Variants in STK32A observed in about 807,000 individuals in gnomAD.
The protein encoded by STK32A is serine/threonine kinase 32A, also known as serine/threonine-protein kinase 32A.
STK32A carries 41 observed loss-of-function variants against 53.2 expected under a neutral mutation model. The ratio of observed to expected loss-of-function variants is 0.77; its 90% CI spans 0.60 to 1.00. The LOEUF (loss-of-function observed/expected upper bound fraction) is 1.00, where lower values mean the gene tolerates loss of function less well. Ranked by LOEUF, STK32A falls within the 50% of genes least tolerant of loss-of-function variation. The probability of loss-of-function intolerance (pLI) is 0.00; values close to 1 mark genes in which losing one functional copy is unlikely to be tolerated. For missense variants in STK32A, 458 were observed against 485.8 expected, an observed-to-expected ratio of 0.94 and a Z score of 0.54; for synonymous variants, 166 against 162.8, an observed-to-expected ratio of 1.02 and a Z score of -0.15.
chr5:147,255,396 G>C (rs994960442), intron 2 of STK32A, among the ~76,000 whole-genome samples: 1 of 152,110 alleles, frequency 6.6e-6, no homozygotes, highest in Non-Finnish European at 1.5e-5. Flanking sequence ...ATCTACTTAC[G>C]GATGCACAGT....
chr5:147,335,657 C>G (rs556579719), intron 5 of STK32A, among the ~76,000 whole-genome samples: 10 of 152,352 alleles, frequency 6.6e-5, no homozygotes, highest in African/African-American at 2.4e-4. Context: ...AATTGGGTCA[C>G]CAGCCCATCC....
intron 2 of STK32A, among the ~76,000 whole-genome samples, chr5:147,255,630 A>G (rs1265040690): frequency 6.6e-6 from 1 of 152,192 alleles, no homozygotes; most frequent in Non-Finnish European, 1.5e-5. Context: ...ATGAAGGTGC[A>G]ACATTGAGTT....
At chr5:147,314,223 C>T (rs1203721015) in intron 4 of STK32A, among the ~76,000 whole-genome samples, 4 of 152,004 alleles carry the variant, frequency 2.6e-5, no homozygotes, top group Non-Finnish European at 4.4e-5. Context: ...AGGGGCCAGG[C>T]GCTGTGGCTC....
At chr5:147,317,411 T>C (rs1754058691) in intron 4 of STK32A, among the ~76,000 whole-genome samples, 1 of 123,588 alleles carries the variant, frequency 8.1e-6, no homozygotes, top group Non-Finnish European at 1.6e-5. Flanking sequence ...CACTGCAACC[T>C]CCGCCGCCCA....
Position 147,323,942 on chromosome 5 carries a change from T to G in STK32A, c.305T>G (p.Leu102Arg). 1 of 1,613,784 alleles carries G rather than the reference T, an allele frequency of 6.2e-7. No individual in the cohort carries two copies. The highest frequency in any genetic ancestry group is 8.5e-7 in the Non-Finnish European group (1 of 1,179,890). Residue 102 changes from leucine (L) to arginine (R), a missense_variant, in exon 5 of 13, where the codon CTC becomes CGC. Transcript: ENST00000397936. ...DEEDMFMVVD[L>R]LLGGDLRYHL... ...GAAGACATGTTCATGGTGGTGGACC[T>G]CCTGCTGGGTGGAGACCTGCGTTAT...
chr5:147,253,082 A>C (rs1754068541), intron 2 of STK32A, among the ~76,000 whole-genome samples: 1 of 152,206 alleles, frequency 6.6e-6, no homozygotes, highest in Non-Finnish European at 1.5e-5. Flanking sequence ...GCAGTTGTAC[A>C]ATTCTAAAAC....
Position 147,314,498 on chromosome 5 carries a change from C to CAAAAAAAAAAA in STK32A, c.261-9392_261-9391insAAAAAAAAAAA, listed in dbSNP as rs1171767950. On this transcript the variant is annotated intron_variant, in intron 4 of 12. Coordinates refer to ENST00000397936, the MANE Select transcript of STK32A (RefSeq NM_001112724.2). ...GGGCAACAAGAGCGAAACTCCATATCAAAAAAAACAAAAAAAAACAAAAAA... is the reference window on the plus strand; with the variant it reads ...GGGCAACAAGAGCGAAACTCCATATCAAAAAAAAAAAAAAAAAAACAAAAAAAAACAAAAAA... Among the ~76,000 whole-genome samples the CAAAAAAAAAAA allele has an allele frequency of 2.8e-4, 3 of 10,622 alleles. 1 individual carries two copies. Among genetic ancestry groups the CAAAAAAAAAAA allele is most frequent in the African/African-American group, 2.0e-3 (3 of 1,512 alleles). The allele number at this position is 10,622 out of a possible 152,430, so 7.0% of individuals were successfully genotyped here. A position where few individuals can be genotyped will look rare whatever the true frequency, so the allele number is the denominator to read the frequency against.
chr5:147,393,966 A>G, the STK32A span: 1 of 1,479,502 alleles, frequency 6.8e-7, no homozygotes, highest in Admixed American at 1.7e-5. Context: ...CTTCTTAAAT[A>G]TCGGTGTACC....
At chr5:147,332,053 A>G (rs1388030786) in intron 5 of STK32A, among the ~76,000 whole-genome samples, 3 of 152,152 alleles carry the variant, frequency 2.0e-5, no homozygotes, top group Admixed American at 6.5e-5. Flanking sequence ...TGTAGTAAAT[A>G]TGTTTCTATT....
At chr5:147,316,593 G>C (rs927355258) in intron 4 of STK32A, among the ~76,000 whole-genome samples, 1 of 151,970 alleles carries the variant, frequency 6.6e-6, no homozygotes, top group Admixed American at 6.6e-5. Context: ...TGCTTTTGGA[G>C]GGTTCTAGGA....
At position 147,308,162 on chromosome 5, in the gene STK32A, ATG is replaced by A. The variant is rs77979607; in HGVS notation, c.261-15730_261-15729del. Among the ~76,000 whole-genome samples the A allele has an allele frequency of 5.0e-4, 65 of 129,508 alleles. No homozygotes were observed. In the East Asian group the frequency reaches 6.2e-3, roughly 12 times the overall value. The allele number at this position is 129,508 out of a possible 152,430, so 85.0% of individuals were successfully genotyped here. On this transcript the variant is annotated intron_variant, in intron 4 of 12. Coordinates refer to ENST00000397936, the MANE Select transcript of STK32A (RefSeq NM_001112724.2). ...TTTATATATATATATATATATATAT[ATG>A]TGTGTACATGCATATACATATATAT...
At chr5:147,333,576 A>C (rs1194584066) in intron 5 of STK32A, among the ~76,000 whole-genome samples, 2 of 152,226 alleles carry the variant, frequency 1.3e-5, no homozygotes, top group Admixed American at 1.3e-4. Flanking sequence ...TATCAGTAAA[A>C]TGAAGATAGC....
rs1249558498 is a variant in STK32A, at chr5:147,258,165, A to ATTTTTTTTTTTTTTTTTTT, written c.52+18484_52+18485insTTTTTTTTTTTTTTTTTTT. The stretch of plus-strand genomic sequence containing the variant: ...TATAGACTCTTTTTAACCTTTTATA[A>ATTTTTTTTTTTTTTTTTTT]TTTTTGTTAAAGAGCAGGTTAGTGC... On this transcript the variant is annotated intron_variant, in intron 2 of 12. Transcript: ENST00000397936. Among the ~76,000 whole-genome samples the ATTTTTTTTTTTTTTTTTTT allele has an allele frequency of 5.7e-4, 82 of 143,696 alleles. 1 individual carries two copies. The highest frequency in any genetic ancestry group is 2.0e-3 in the African/African-American group (74 of 37,742). The allele number at this position is 143,696 out of a possible 152,430, so 94.3% of individuals were successfully genotyped here.
intron 2 of STK32A, among the ~76,000 whole-genome samples, chr5:147,262,403 ATG>A (rs764032636): frequency 0.04 from 6,016 of 152,294 alleles, 170 homozygotes; most frequent in Middle Eastern, 0.099. Flanking sequence ...AAGCCAGTGA[ATG>A]ATAAAGGGAT....
intron 4 of STK32A, among the ~76,000 whole-genome samples, chr5:147,323,501 G>T (rs955526149): frequency 6.6e-6 from 1 of 152,168 alleles, no homozygotes; most frequent in African/African-American, 2.4e-5. Flanking sequence ...ATAGTTCAAG[G>T]AGTTCCCATA....
chr5:147,262,853 T>G (rs148538305), intron 2 of STK32A, among the ~76,000 whole-genome samples: 1 of 152,292 alleles, frequency 6.6e-6, no homozygotes, highest in South Asian at 2.1e-4. Flanking sequence ...ACCAGACCCA[T>G]GCCGTAGAAC....
At chr5:147,283,364 C>G (rs1218403935) in intron 4 of STK32A, among the ~76,000 whole-genome samples, 1 of 151,750 alleles carries the variant, frequency 6.6e-6, no homozygotes, top group Non-Finnish European at 1.5e-5. Context: ...AACTGACACT[C>G]TAAGGTCACA....
rs1426239501 is a variant in STK32A at position 147,310,528 on chromosome 5, G to C, written c.261-13370G>C. 2.0e-5 allele frequency among the ~76,000 whole-genome samples: 3 copies of C among 152,274 alleles called. No homozygotes were observed. The East Asian group carries it at 5.8e-4, about 29-fold the overall frequency. ...CACGCCGGGCACCTCTCCCACGCCAGCCAGGCCTGCCCAGCCACTTGCTGA... is the reference window on the plus strand; with the variant it reads ...CACGCCGGGCACCTCTCCCACGCCACCCAGGCCTGCCCAGCCACTTGCTGA... On this transcript the variant is annotated intron_variant, in intron 4 of 12. Coordinates refer to ENST00000397936, the MANE Select transcript of STK32A (RefSeq NM_001112724.2).
Position 147,384,706 on chromosome 5 carries a change from C to T in STK32A, c.*723C>T, listed in dbSNP as rs947585143. On this transcript the variant is annotated 3_prime_UTR_variant, in exon 13 of 13. Transcript: ENST00000397936. ...AAACTGGTAAATGCTCGTTTTTTCC[C>T]TCCTAACAAGTGAATTGCTAAATAT... 2 of 368,474 alleles carry T rather than the reference C, an allele frequency of 5.4e-6. No homozygotes were observed. The highest frequency in any genetic ancestry group is 9.7e-6 in the Non-Finnish European group (2 of 206,060). The allele number at this position is 368,474 out of a possible 1,614,324, so 22.8% of individuals were successfully genotyped here.
Sources: gnomAD v4.1 joint callset for allele counts (sites outside exome capture counted in the v4.1 genomes callset) on GRCh38, gnomAD v4.1.1 for gene constraint, MANE v1.5 for transcripts, NCBI Gene and HGNC (gene_info 2026-07-23, HGNC 2026-07-21) for gene names.